Variants in CNIH3 observed in about 807,000 individuals in gnomAD.
CNIH3 encodes protein cornichon homolog 3.
Under a neutral mutation model 24.1 loss-of-function variants are expected in CNIH3, and 14 were observed. The ratio of observed to expected loss-of-function variants is 0.58; its 90% CI spans 0.38 to 0.91. CNIH3 has a LOEUF of 0.91. CNIH3 is among the 40% of genes least tolerant of loss of function. The pLI is 0.00. For missense variants in CNIH3, 178 were observed against 196.8 expected, an observed-to-expected ratio of 0.90 and a Z score of 0.57; for synonymous variants, 68 against 73.8, an observed-to-expected ratio of 0.92 and a Z score of 0.40.
rs140966451 is a variant in CNIH3, at chr1:224,554,376, G to A, written n.450+7437G>A. On this transcript the variant is annotated intron_variant and non_coding_transcript_variant, in intron 3 of 5. Coordinates refer to the CNIH3 transcript ENST00000471578. ...TTATTCAACATTTACTGTGTGCCAG[G>A]ACTGTACAGTGCTTTACATGTACAG... 1.4e-3 allele frequency among the ~76,000 whole-genome samples: 220 copies of A among 152,178 alleles called. 2 individuals carry two copies. The highest frequency in any genetic ancestry group is 1.5e-4 in the Non-Finnish European group (10 of 68,006).
At chr1:224,632,614 T>C (rs1019888532) in intron 1 of CNIH3, among the ~76,000 whole-genome samples, 1 of 151,236 alleles carries the variant, frequency 6.6e-6, no homozygotes, top group African/African-American at 2.4e-5. Flanking sequence ...GAGAGCGGGG[T>C]GGGGTGGTGA....
chr1:224,589,379 T>C (rs1334989887), downstream of CNIH3, among the ~76,000 whole-genome samples: 1 of 152,134 alleles, frequency 6.6e-6, no homozygotes, highest in Non-Finnish European at 1.5e-5. Context: ...AAAATAATGG[T>C]TTAGTCTTCT....
chr1:224,725,201 C>T (rs1284509305), intron 3 of CNIH3, among the ~76,000 whole-genome samples: 1 of 152,184 alleles, frequency 6.6e-6, no homozygotes, highest in African/African-American at 2.4e-5. Flanking sequence ...CAGAGCAAGA[C>T]TCTATCTCAG....
chr1:224,504,807 A>T (rs992089085), intron 1 of CNIH3, among the ~76,000 whole-genome samples: 1 of 152,172 alleles, frequency 6.6e-6, no homozygotes, highest in African/African-American at 2.4e-5. Context: ...GAAATGGGAC[A>T]TTGCAATAGC....
intron 1 of CNIH3, among the ~76,000 whole-genome samples, chr1:224,643,008 A>G (rs1348344287): frequency 6.6e-6 from 1 of 152,056 alleles, no homozygotes; most frequent in East Asian, 1.9e-4. Context: ...AGATTCCTAA[A>G]GGGTCCTCCA....
At chr1:224,539,206 T>C (rs752262729), downstream of CNIH3, among the ~76,000 whole-genome samples, 3 of 152,202 alleles carry the variant, frequency 2.0e-5, no homozygotes, top group Non-Finnish European at 4.4e-5. Flanking sequence ...TTACTTATCA[T>C]GGCTATTAGG....
At chr1:224,613,117 C>T (rs1456169571), upstream of CNIH3, among the ~76,000 whole-genome samples, 1 of 152,196 alleles carries the variant, frequency 6.6e-6, no homozygotes, top group Non-Finnish European at 1.5e-5. Context: ...CTGGCCTCAG[C>T]CTCCTGAGTA....
Position 224,464,753 on chromosome 1 carries a change from A to G in CNIH3, n.203+29891A>G, listed in dbSNP as rs191901871. On this transcript the variant is annotated intron_variant and non_coding_transcript_variant, in intron 1 of 5. Transcript: ENST00000471578. ...TAAATAAATCTTGAAGTCAGGTAGC[A>G]TAAGTCTTCCAGCTGTATTCTTCTT... is the stretch of plus-strand genomic sequence containing the variant. Among the ~76,000 whole-genome samples, 19 of 152,208 alleles carry G rather than the reference A, an allele frequency of 1.2e-4. 1 individual carries two copies. Among genetic ancestry groups the G allele is most frequent in the Non-Finnish European group, 1.9e-4 (13 of 68,038 alleles).
chr1:224,462,849 C>T (rs1675981487), intron 1 of CNIH3, among the ~76,000 whole-genome samples: 1 of 151,164 alleles, frequency 6.6e-6, no homozygotes, highest in South Asian at 2.1e-4. Context: ...TCTCAAAACA[C>T]CTAGGCTCAA....
chr1:224,672,591 G>A (rs1685924380), intron 1 of CNIH3, among the ~76,000 whole-genome samples: 1 of 152,130 alleles, frequency 6.6e-6, no homozygotes, highest in African/African-American at 2.4e-5. Flanking sequence ...TCGGCTGATA[G>A]CTGTGTCCCT....
At chr1:224,508,661 T>A (rs1678012515) in intron 1 of CNIH3, among the ~76,000 whole-genome samples, 1 of 152,264 alleles carries the variant, frequency 6.6e-6, no homozygotes, top group Non-Finnish European at 1.5e-5. Context: ...ACTTCAATGA[T>A]ATCCCATTAC....
At chr1:224,649,475 T>G (rs1572656255) in intron 1 of CNIH3, among the ~76,000 whole-genome samples, 1 of 152,224 alleles carries the variant, frequency 6.6e-6, no homozygotes, top group East Asian at 1.9e-4. Flanking sequence ...TTTGTGGTAA[T>G]TTATTATAGC....
At chr1:224,470,209 G>A (rs539384471) in intron 1 of CNIH3, among the ~76,000 whole-genome samples, 2 of 151,800 alleles carry the variant, frequency 1.3e-5, no homozygotes, top group South Asian at 2.1e-4. Flanking sequence ...TAGTAGAGAC[G>A]GGGTTTCACT....
intron 1 of CNIH3, among the ~76,000 whole-genome samples, chr1:224,623,159 C>T (rs1683361973): frequency 6.6e-6 from 1 of 152,174 alleles, no homozygotes; most frequent in Admixed American, 6.5e-5. Flanking sequence ...CTGCAGTGAG[C>T]TCCCTGTTCT....
At chr1:224,691,700 C>CA (rs1261447583) in intron 3 of CNIH3, among the ~76,000 whole-genome samples, 16 of 152,184 alleles carry the variant, frequency 1.1e-4, no homozygotes, top group African/African-American at 3.9e-4. Flanking sequence ...TCCTGACATG[C>CA]GTAGATGTAA....
At chr1:224,492,570 A>G (rs1242773131) in intron 1 of CNIH3, among the ~76,000 whole-genome samples, 2 of 152,242 alleles carry the variant, frequency 1.3e-5, no homozygotes, top group Non-Finnish European at 2.9e-5. Context: ...AAAATCTATT[A>G]ATATATTCTA....
At chr1:224,579,747 C>A (rs1681192751) in intron 4 of CNIH3, among the ~76,000 whole-genome samples, 1 of 152,116 alleles carries the variant, frequency 6.6e-6, no homozygotes, top group Admixed American at 6.6e-5. Flanking sequence ...TAAAAAGAGC[C>A]TGGAACTTTC....
intron 3 of CNIH3, among the ~76,000 whole-genome samples, chr1:224,555,312 A>G (rs1319436062): frequency 1.3e-5 from 2 of 152,230 alleles, no homozygotes; most frequent in Non-Finnish European, 2.9e-5. Context: ...GATTTAGTGA[A>G]GAATCACCCA....
At chr1:224,690,982 G>C (rs1439189389) in intron 3 of CNIH3, among the ~76,000 whole-genome samples, 1 of 152,232 alleles carries the variant, frequency 6.6e-6, no homozygotes, top group Non-Finnish European at 1.5e-5. Context: ...GAGGCTGCCA[G>C]TAGCAGCCTG....
Sources: allele counts gnomAD v4.1 joint callset (sites outside exome capture counted in the v4.1 genomes callset), GRCh38; gene constraint gnomAD v4.1.1; transcripts MANE v1.5; gene names NCBI Gene and HGNC (gene_info 2026-07-23, HGNC 2026-07-21).